PPP3CB: variants seen among roughly 807,000 people sequenced by gnomAD.
PPP3CB encodes the protein serine/threonine-protein phosphatase 2B catalytic subunit beta isoform.
PPP3CB carries 8 observed loss-of-function variants against 66.4 expected under a neutral mutation model. The observed-to-expected ratio is 0.12, with a 90% CI of 0.07 to 0.22. The LOEUF is 0.22. Among genes scored for constraint, PPP3CB ranks in the 10% least tolerant of loss-of-function variants. PPP3CB has a pLI of 1.00. For synonymous variants in PPP3CB, 208 were observed against 221.2 expected (o/e 0.94, Z 0.53); for missense variants, 319 against 642.5 (o/e 0.50, Z 5.44).
chr10:73,465,256 T>C (rs896897256), intron 9 of PPP3CB, among the ~76,000 whole-genome samples: 1 of 152,196 alleles, frequency 6.6e-6, no homozygotes, highest in Non-Finnish European at 1.5e-5. Flanking sequence ...TTTGCTATAT[T>C]GTCTAGGCTG....
At chr10:73,478,814 A>T (rs2056829769) in intron 2 of PPP3CB, among the ~76,000 whole-genome samples, 191 bp from the exon 3 acceptor site, 1 of 152,220 alleles carries the variant, frequency 6.6e-6, no homozygotes, top group Non-Finnish European at 1.5e-5. Flanking sequence ...ATCTAGAAAA[A>T]GATGTAACAG....
chr10:73,479,642 G>A, intron 1 of PPP3CB, 125 bp from the exon 2 acceptor site: 1 of 876,964 alleles, frequency 1.1e-6, no homozygotes, highest in Non-Finnish European at 1.7e-6. Flanking sequence ...TTCATTTATT[G>A]GGTAGAAGTG....
chr10:73,477,187 A>G (rs529452605), intron 3 of PPP3CB: 10 of 518,926 alleles, frequency 1.9e-5, no homozygotes, highest in South Asian at 8.4e-5. Context: ...GGATTAATCG[A>G]TATGTCTTCA....
chr10:73,446,661 T>A, intron 10 of PPP3CB, 88 bp from the exon 11 acceptor site: 1 of 1,259,284 alleles, frequency 7.9e-7, no homozygotes, highest in African/African-American at 1.5e-5. Flanking sequence ...CACACTCATC[T>A]AAACCAGTAC....
intron 1 of PPP3CB, among the ~76,000 whole-genome samples, chr10:73,488,417 T>C (rs2057021971): frequency 6.6e-6 from 1 of 151,912 alleles, no homozygotes; most frequent in South Asian, 2.1e-4. Flanking sequence ...CATGGTGGTG[T>C]GTGCCTGTAG....
chr10:73,495,822 G>GC lies in PPP3CB; in HGVS notation c.67dup (p.Ala23GlyfsTer2). On this transcript the variant is annotated frameshift_variant, in exon 1 of 14. Transcript: ENST00000360663. LOFTEE classifies it high-confidence loss of function. ...CCTCTCACCTTTGACGACGCGGTCA[G>GC]CCCCGGGAGGGGGCGGCGGGGGCGG... is the stretch of plus-strand genomic sequence containing the variant. The GC allele has an allele frequency of 6.6e-7, 1 of 1,516,564 alleles. No individual in the cohort carries two copies. Among genetic ancestry groups the GC allele is most frequent in the Non-Finnish European group, 8.9e-7 (1 of 1,128,862 alleles). 93.9% of individuals were successfully genotyped at this position (1,516,564 alleles called of 1,614,324 possible). A position where few individuals can be genotyped will look rare whatever the true frequency, so the allele number is the denominator to read the frequency against.
intron 10 of PPP3CB, chr10:73,448,575 A>G (rs1349422475): frequency 1.9e-6 from 1 of 528,770 alleles, no homozygotes; most frequent in Non-Finnish European, 3.9e-6. Context: ...CTGCATAGAC[A>G]TTACTCAATG....
intron 2 of PPP3CB, 54 bp downstream of exon 2, chr10:73,479,263 G>A (rs2056836816): frequency 5.4e-6 from 8 of 1,491,644 alleles, no homozygotes; most frequent in Middle Eastern, 1.7e-4. Flanking sequence ...TGTAAATCCA[G>A]GCAACTAAAT....
chr10:73,457,260 G>GAAAAAAAAAAAAAAAAAAAAAAAAAAA (rs35129439), intron 9 of PPP3CB, among the ~76,000 whole-genome samples: 1 of 68,966 alleles, frequency 1.4e-5, no homozygotes, highest in Non-Finnish European at 2.9e-5. Context: ...CTCTAAAAAA[G>GAAAAAAAAAAAAAAAAAAAAAAAAAAA]AAAAAAAAAA....
intron 9 of PPP3CB, among the ~76,000 whole-genome samples, chr10:73,459,520 A>G (rs1218637726): frequency 6.6e-6 from 1 of 152,262 alleles, no homozygotes; most frequent in African/African-American, 2.4e-5. Flanking sequence ...TTGCACATGC[A>G]TATTCTTCGC....
chr10:73,495,970 G>A lies in PPP3CB; in HGVS notation c.-81C>T, dbSNP rs1361928986. On this transcript the variant is annotated 5_prime_UTR_variant, in exon 1 of 14. Transcript: ENST00000360663. Reference sequence around the variant, plus strand: ...GCGGCTACCAGAGCCAAGCGGCGGCGCCGCCGGGGAACATGGCGGACCCTC... The same window carrying A: ...GCGGCTACCAGAGCCAAGCGGCGGCACCGCCGGGGAACATGGCGGACCCTC... 7 of 925,026 alleles carry A rather than the reference G, an allele frequency of 7.6e-6. No individual in the cohort carries two copies. The highest frequency in any genetic ancestry group is 1.8e-5 in the African/African-American group (1 of 56,920). The allele number at this position is 925,026 out of a possible 1,614,324, so 57.3% of individuals were successfully genotyped here.
At chr10:73,471,235 A>G (rs200114576) in intron 5 of PPP3CB, 26 bp from the exon 6 acceptor site, 2 of 1,569,408 alleles carry the variant, frequency 1.3e-6, no homozygotes, top group Non-Finnish European at 1.7e-6. Context: ...AAGAAAGAAC[A>G]GAAGTAACTC....
At chr10:73,491,019 A>ATT (rs2057064854) in intron 1 of PPP3CB, among the ~76,000 whole-genome samples, 2 of 22,384 alleles carry the variant, frequency 8.9e-5, no homozygotes, top group African/African-American at 1.5e-4. Flanking sequence ...GTTTGTTTTT[A>ATT]TTGTTTTTTT....
chr10:73,495,844 G>A lies in PPP3CB; in HGVS notation c.46C>T (p.Pro16Ser), dbSNP rs1447907900. The change falls in exon 1 of 14, where the codon CCC becomes TCC. Residue 16 changes from proline (P) to serine (S), a missense_variant. Coordinates refer to ENST00000360663, the MANE Select transcript of PPP3CB (RefSeq NM_021132.4). Reference protein sequence around the residue: ...PARAAPPPPPPPPPPPGADRV... With the variant: ...PARAAPPPPPSPPPPPGADRV... ...TCAGCCCCGGGAGGGGGCGGCGGGG[G>A]CGGGGGTGGGGGCGGTGCAGCCCGG... The A allele has an allele frequency of 2.7e-6, 4 of 1,475,948 alleles. No individual in the cohort carries two copies. The highest frequency in any genetic ancestry group is 2.3e-5 in the Admixed American group (1 of 43,378). The allele number at this position is 1,475,948 out of a possible 1,614,324, so 91.4% of individuals were successfully genotyped here. A position where few individuals can be genotyped will look rare whatever the true frequency, so the allele number is the denominator to read the frequency against.
At chr10:73,491,542 CA>C (rs1338579148) in intron 1 of PPP3CB, among the ~76,000 whole-genome samples, 1 of 152,152 alleles carries the variant, frequency 6.6e-6, no homozygotes, top group African/African-American at 2.4e-5. Flanking sequence ...GTTCTTTTTA[CA>C]CAGATAAGTC....
chr10:73,481,425 A>C (rs1270935312), intron 1 of PPP3CB, among the ~76,000 whole-genome samples: 1 of 150,554 alleles, frequency 6.6e-6, no homozygotes, highest in Non-Finnish European at 1.5e-5. Context: ...GTGAGCCTAG[A>C]CTACACCACT....
chr10:73,448,246 A>G (rs2056290773), intron 10 of PPP3CB, among the ~76,000 whole-genome samples: 1 of 152,194 alleles, frequency 6.6e-6, no homozygotes, highest in South Asian at 2.1e-4. Context: ...ATCAAATGAA[A>G]AATTCACAGG....
intron 3 of PPP3CB, among the ~76,000 whole-genome samples, chr10:73,475,490 G>T (rs1301764845): frequency 6.6e-6 from 1 of 152,100 alleles, no homozygotes; most frequent in African/African-American, 2.4e-5. Context: ...TTACAAATGA[G>T]AAACTGAAGC....
chr10:73,444,854 A>C (rs778306417), intron 11 of PPP3CB, 32 bp from the exon 12 acceptor site: 1 of 1,603,058 alleles, frequency 6.2e-7, no homozygotes, highest in Non-Finnish European at 8.5e-7. Context: ...AATATCAGAT[A>C]CTTCCAACAA....
Sources: gnomAD v4.1 joint callset for allele counts (sites outside exome capture counted in the v4.1 genomes callset) on GRCh38, gnomAD v4.1.1 for gene constraint, MANE v1.5 for transcripts, NCBI Gene and HGNC (gene_info 2026-07-23, HGNC 2026-07-21) for gene names.